Variants in CTNNA2 observed in about 807,000 individuals in gnomAD.
CTNNA2 encodes catenin alpha-2.
In CTNNA2, 42 loss-of-function variants were observed where a neutral mutation model predicts 101.0. The ratio of observed to expected loss-of-function variants is 0.42; its 90% CI spans 0.32 to 0.54. The LOEUF is 0.54. CTNNA2 is among the 20% of genes least tolerant of loss of function. CTNNA2 has a pLI of 0.14. For synonymous variants in CTNNA2, 450 were observed against 456.4 expected, an observed-to-expected ratio of 0.99 and a Z score of 0.18; for missense variants, 871 against 1,223.1, an observed-to-expected ratio of 0.71 and a Z score of 4.29.
chr2:80,558,768 A>T (rs1410845343), intron 12 of CTNNA2, among the ~76,000 whole-genome samples: 1 of 152,120 alleles, frequency 6.6e-6, no homozygotes, highest in African/African-American at 2.4e-5. Context: ...AGGAAAGATG[A>T]GGAGAAAGAA....
At chr2:80,496,992 C>T (rs865989620) in intron 9 of CTNNA2, among the ~76,000 whole-genome samples, 14 of 152,076 alleles carry the variant, frequency 9.2e-5, no homozygotes, top group East Asian at 5.8e-4. Context: ...GAAGCATGAA[C>T]GAAGCGCCTG....
chr2:80,402,360 A>G (rs1307111843), intron 8 of CTNNA2, among the ~76,000 whole-genome samples: 1 of 152,174 alleles, frequency 6.6e-6, no homozygotes, highest in African/African-American at 2.4e-5. Context: ...GGCCATTGGC[A>G]ATTAACTCAA....
chr2:80,121,701 C>A (rs755386346), intron 7 of CTNNA2, among the ~76,000 whole-genome samples: 1 of 152,092 alleles, frequency 6.6e-6, no homozygotes, highest in Admixed American at 6.5e-5. Flanking sequence ...TTCTTGATCA[C>A]AAGGTTTCAT....
intron 2 of CTNNA2, among the ~76,000 whole-genome samples, chr2:79,658,650 C>A (rs1160691212): frequency 6.6e-6 from 1 of 150,486 alleles, no homozygotes; most frequent in Non-Finnish European, 1.5e-5. Context: ...AATGAGTTGG[C>A]CATCAGAATA....
At chr2:79,517,584 A>G (rs555214316) in intron 1 of CTNNA2, among the ~76,000 whole-genome samples, 34 of 152,310 alleles carry the variant, frequency 2.2e-4, no homozygotes, top group Admixed American at 1.3e-3. Context: ...AATTCAGCAA[A>G]TCTAAATCAT....
At chr2:79,573,346 A>T (rs756354676) in intron 1 of CTNNA2, among the ~76,000 whole-genome samples, 1 of 152,216 alleles carries the variant, frequency 6.6e-6, no homozygotes, top group Non-Finnish European at 1.5e-5. Flanking sequence ...ATTTGTTCCT[A>T]GCCTCATACC....
chr2:80,409,831 G>A (rs1418751975), intron 8 of CTNNA2, among the ~76,000 whole-genome samples: 1 of 152,088 alleles, frequency 6.6e-6, no homozygotes, highest in Non-Finnish European at 1.5e-5. Context: ...TGGCATTTGT[G>A]TAGATTTTTC....
intron 7 of CTNNA2, among the ~76,000 whole-genome samples, chr2:80,196,246 G>A (rs577185360): frequency 6.6e-5 from 10 of 152,166 alleles, no homozygotes; most frequent in Non-Finnish European, 2.9e-5. Context: ...CTAAGGTTGG[G>A]TCTCATAGCT....
At chr2:79,880,813 T>G (rs939310212) in intron 6 of CTNNA2, among the ~76,000 whole-genome samples, 1 of 152,126 alleles carries the variant, frequency 6.6e-6, no homozygotes, top group African/African-American at 2.4e-5. Context: ...TGTGTCTCTG[T>G]CTCCTTCAAT....
At chr2:79,938,175 G>A (rs1369180322) in intron 7 of CTNNA2, among the ~76,000 whole-genome samples, 3 of 152,168 alleles carry the variant, frequency 2.0e-5, no homozygotes, top group Non-Finnish European at 4.4e-5. Context: ...GGGAGGAGGG[G>A]AGAACCAGCT....
At chr2:80,607,824 G>A (rs17019480) in intron 16 of CTNNA2, among the ~76,000 whole-genome samples, 7,841 of 151,792 alleles carry the variant, frequency 0.052, 527 homozygotes, top group African/African-American at 0.15. Flanking sequence ...AGCATCCTTT[G>A]GTCCTCTGCA....
At chr2:79,878,881 A>G (rs1683215567) in intron 6 of CTNNA2, among the ~76,000 whole-genome samples, 1 of 152,176 alleles carries the variant, frequency 6.6e-6, no homozygotes. Flanking sequence ...TGTTTTCATC[A>G]TGAAGTCTTT....
chr2:79,465,009 T>C (rs1474825046), intron 4 of CTNNA2, among the ~76,000 whole-genome samples: 1 of 152,214 alleles, frequency 6.6e-6, no homozygotes, highest in African/African-American at 2.4e-5. Flanking sequence ...TTGTCAATTT[T>C]GGCTTTTGTT....
intron 7 of CTNNA2, among the ~76,000 whole-genome samples, chr2:80,295,547 T>C (rs1203982124): frequency 6.6e-6 from 1 of 152,252 alleles, no homozygotes; most frequent in Non-Finnish European, 1.5e-5. Context: ...AATTTTCTGG[T>C]TAAGTGACAC....
At chr2:79,751,599 A>C (rs1672046077) in intron 3 of CTNNA2, among the ~76,000 whole-genome samples, 2 of 149,310 alleles carry the variant, frequency 1.3e-5, no homozygotes, top group Admixed American at 6.6e-5. Context: ...ATCTCAAAAA[A>C]AAAAAAAAAA....
At chr2:79,205,513 A>G (rs1674089348) in intron 2 of CTNNA2, among the ~76,000 whole-genome samples, 1 of 152,238 alleles carries the variant, frequency 6.6e-6, no homozygotes, top group Admixed American at 6.5e-5. Context: ...GACATAAAAA[A>G]GACTGTTAAG....
intron 9 of CTNNA2, among the ~76,000 whole-genome samples, chr2:80,523,565 G>T (rs533670287): frequency 3.0e-4 from 46 of 152,276 alleles, no homozygotes; most frequent in Non-Finnish European, 5.6e-4. Flanking sequence ...TGCCACCATG[G>T]GGTCTTTTCT....
chr2:79,747,014 A>C (rs1348286503), intron 3 of CTNNA2, among the ~76,000 whole-genome samples: 1 of 152,162 alleles, frequency 6.6e-6, no homozygotes, highest in Non-Finnish European at 1.5e-5. Context: ...CCACTGTATC[A>C]ATTCACAGCT....
chr2:79,507,473 C>G (rs1019691648), intron 5 of CTNNA2, among the ~76,000 whole-genome samples: 1 of 152,148 alleles, frequency 6.6e-6, no homozygotes, highest in Non-Finnish European at 1.5e-5. Context: ...GTTGCTGTCT[C>G]TTGCCTTTCC....
Sources: allele counts gnomAD v4.1 joint callset (sites outside exome capture counted in the v4.1 genomes callset), GRCh38; gene constraint gnomAD v4.1.1; transcripts MANE v1.5; gene names NCBI Gene and HGNC (gene_info 2026-07-23, HGNC 2026-07-21).